The following CTIF variants were observed in gnomAD, a reference collection of about 807,000 sequenced individuals.
The protein encoded by CTIF is cap binding complex dependent translation initiation factor.
CTIF carries 21 observed loss-of-function variants against 66.0 expected under a neutral mutation model. The observed-to-expected ratio is 0.32, with a 90% CI of 0.23 to 0.46. The LOEUF is 0.46. CTIF is among the 20% of genes least tolerant of loss of function. CTIF has a pLI of 1.00. For synonymous variants in CTIF, 345 were observed against 326.4 expected (o/e 1.06, Z -0.62); for missense variants, 739 against 812.7 (o/e 0.91, Z 1.10).
In CTIF at chr18:48,636,492, G is replaced by T. The variant is rs2050706611; in HGVS notation, c.181-122G>T. 3 of 616,286 alleles carry T rather than the reference G, an allele frequency of 4.9e-6. No homozygotes were observed. In the Admixed American group the frequency reaches 1.3e-4, roughly 26 times the overall value. 38.2% of individuals were successfully genotyped at this position (616,286 alleles called of 1,614,324 possible). On this transcript the variant is annotated intron_variant, in intron 2 of 11. Coordinates refer to ENST00000256413, the MANE Select transcript of CTIF (RefSeq NM_014772.3). ...GGTTGAGAAAGATTTGCATTGAAATGGCCAAATAGGATTCCACAGTCATGC... is the reference window on the plus strand; with the variant it reads ...GGTTGAGAAAGATTTGCATTGAAATTGCCAAATAGGATTCCACAGTCATGC...
At chr18:48,741,280 GCCC>G (rs993748870) in intron 7 of CTIF, among the ~76,000 whole-genome samples, 1 of 53,956 alleles carries the variant, frequency 1.9e-5, no homozygotes, top group East Asian at 3.9e-3. Flanking sequence ...CTCTGCCCCC[GCCC>G]CCCCTCCTTG....
chr18:48,695,070 A>T (rs1179787622), intron 6 of CTIF, among the ~76,000 whole-genome samples: 1 of 152,214 alleles, frequency 6.6e-6, no homozygotes, highest in African/African-American at 2.4e-5. Flanking sequence ...TCTGGTACTG[A>T]TCAGATTCAC....
chr18:48,859,537 C>A lies in CTIF; in HGVS notation c.1775C>A (p.Thr592Asn), dbSNP rs1568275340. 6.2e-7 allele frequency: 1 copy of A among 1,614,098 alleles called. No individual in the cohort carries two copies. The highest frequency in any genetic ancestry group is 1.1e-5 in the South Asian group (1 of 91,086). The change falls in exon 12 of 12, where the codon ACC becomes AAC. Residue 592 changes from threonine (T) to asparagine (N), a missense_variant. Physicochemically the swap from Thr to Asn is moderately conservative, Grantham distance 65. Around this residue, in one of 2 missense-constraint regions of CTIF, gnomAD observed 210 missense variants for 292.3 expected, o/e 0.72. Coordinates refer to ENST00000256413, the MANE Select transcript of CTIF (RefSeq NM_014772.3). Reference sequence around the variant, plus strand: ...CCCATCACGCAGTACTACAACAGAACCATCCAGAAACTGACAGCCTGACAG... The same window carrying A: ...CCCATCACGCAGTACTACAACAGAAACATCCAGAAACTGACAGCCTGACAG... ...TPPITQYYNR[T>N]IQKLTA
At chr18:48,612,493 C>T (rs544837953) in intron 1 of CTIF, among the ~76,000 whole-genome samples, 2 of 152,238 alleles carry the variant, frequency 1.3e-5, no homozygotes, top group Non-Finnish European at 2.9e-5. Context: ...CGAAAGCCAG[C>T]AGCCAGCTCT....
intron 1 of CTIF, among the ~76,000 whole-genome samples, chr18:48,603,027 G>GGATGGATGGATA (rs1259041920): frequency 2.0e-5 from 3 of 151,654 alleles, no homozygotes; most frequent in Non-Finnish European, 2.9e-5. Flanking sequence ...ATAGATGGGT[G>GGATGGATGGATA]GATGGATGGA....
intron 7 of CTIF, among the ~76,000 whole-genome samples, chr18:48,747,239 AAT>A (rs1907308409): frequency 6.6e-6 from 1 of 152,208 alleles, no homozygotes; most frequent in Non-Finnish European, 1.5e-5. Context: ...ATGAATCAAG[AAT>A]AAACTATGAT....
At chr18:48,734,957 A>G (rs1249503047) in intron 7 of CTIF, among the ~76,000 whole-genome samples, 1 of 152,238 alleles carries the variant, frequency 6.6e-6, no homozygotes, top group Non-Finnish European at 1.5e-5. Context: ...CATATATGGT[A>G]TATATGCACA....
At chr18:48,695,781 G>C (rs56788984) in intron 6 of CTIF, among the ~76,000 whole-genome samples, 13,923 of 152,236 alleles carry the variant, frequency 0.091, 1,784 homozygotes, top group African/African-American at 0.29. Context: ...CTATGGCGAG[G>C]AGACTTTCTG....
intron 6 of CTIF, among the ~76,000 whole-genome samples, chr18:48,704,708 C>T (rs1032188450): frequency 8.5e-5 from 13 of 152,302 alleles, no homozygotes; most frequent in Admixed American, 5.2e-4. Flanking sequence ...CATATCGGAC[C>T]GGGGCCCCAC....
intron 1 of CTIF, among the ~76,000 whole-genome samples, chr18:48,571,168 T>TTTTG (rs553996628): frequency 0.04 from 6,013 of 152,004 alleles, 139 homozygotes; most frequent in Middle Eastern, 0.1. Context: ...TTGGGTTTGT[T>TTTTG]TTTGTTTGTT....
At chr18:48,625,515 C>T (rs764499031) in intron 2 of CTIF, among the ~76,000 whole-genome samples, 5 of 152,190 alleles carry the variant, frequency 3.3e-5, no homozygotes, top group Non-Finnish European at 7.3e-5. Context: ...ACTCCTACCT[C>T]CCATCAGATG....
intron 3 of CTIF, among the ~76,000 whole-genome samples, chr18:48,657,284 A>C (rs776957793): frequency 5.9e-5 from 9 of 152,248 alleles, no homozygotes; most frequent in Non-Finnish European, 1.0e-4. Flanking sequence ...AAATTTCAAC[A>C]TCGTAACAAT....
At chr18:48,592,184 C>T (rs1186096514) in intron 1 of CTIF, among the ~76,000 whole-genome samples, 1 of 152,106 alleles carries the variant, frequency 6.6e-6, no homozygotes, top group Admixed American at 6.5e-5. Context: ...CGAGAGACCC[C>T]AGCTTCCTGG....
At chr18:48,794,472 G>A (rs1390245555) in intron 9 of CTIF, among the ~76,000 whole-genome samples, 3 of 152,222 alleles carry the variant, frequency 2.0e-5, no homozygotes, top group African/African-American at 7.2e-5. Context: ...AGGGTCTTGG[G>A]GCCGGGGGAG....
At chr18:48,655,816 T>A (rs1165988062) in intron 3 of CTIF, among the ~76,000 whole-genome samples, 2 of 152,100 alleles carry the variant, frequency 1.3e-5, no homozygotes, top group East Asian at 3.9e-4. Context: ...ATAGAGAGCA[T>A]CCTCCCGCTG....
At chr18:48,651,468 A>T (rs1373279066) in intron 3 of CTIF, among the ~76,000 whole-genome samples, 1 of 152,238 alleles carries the variant, frequency 6.6e-6, no homozygotes, top group East Asian at 1.9e-4. Flanking sequence ...TGGCCCTAAT[A>T]CAGGAGCACA....
chr18:48,860,733 GAC>G lies in CTIF; in HGVS notation c.*1175_*1176del, dbSNP rs1440233057. 6.6e-6 allele frequency: 1 copy of G among 152,340 alleles called. No individual in the cohort carries two copies. The highest frequency in any genetic ancestry group is 2.4e-5 in the African/African-American group (1 of 41,478). 9.4% of individuals were successfully genotyped at this position (152,340 alleles called of 1,614,324 possible). On this transcript the variant is annotated 3_prime_UTR_variant, in exon 12 of 12. Transcript: ENST00000256413. ...TGCGCTGTGTCACTGCCCCAGCTCG[GAC>G]GTAGAAGCCCAGCCCTCCGTGAGCT...
intron 10 of CTIF, among the ~76,000 whole-genome samples, chr18:48,841,546 C>T (rs1326536041): frequency 1.3e-5 from 2 of 152,238 alleles, no homozygotes; most frequent in Non-Finnish European, 2.9e-5. Flanking sequence ...CTGGCCTGTC[C>T]GCCCCTGGCA....
At chr18:48,599,978 C>T (rs2090061383) in intron 1 of CTIF, among the ~76,000 whole-genome samples, 1 of 152,180 alleles carries the variant, frequency 6.6e-6, no homozygotes, top group Non-Finnish European at 1.5e-5. Flanking sequence ...AGTGGCCAAT[C>T]CACTTTGAGG....
Sources: allele counts gnomAD v4.1 joint callset (sites outside exome capture counted in the v4.1 genomes callset), GRCh38; gene constraint gnomAD v4.1.1; regional missense constraint gnomAD v4.1.1; transcripts MANE v1.5; gene names NCBI Gene and HGNC (gene_info 2026-07-23, HGNC 2026-07-21).